MEGF9: variants seen among roughly 807,000 people sequenced by gnomAD.
MEGF9 encodes multiple EGF like domains 9.
Under a neutral mutation model 46.8 loss-of-function variants are expected in MEGF9, and 6 were observed. That is an observed-to-expected ratio of 0.13 (90% confidence interval 0.07 to 0.25). The LOEUF (loss-of-function observed/expected upper bound fraction) is 0.25, where lower values mean the gene tolerates loss of function less well. Among genes scored for constraint, MEGF9 ranks in the 10% least tolerant of loss-of-function variants. The pLI, the probability that MEGF9 is intolerant of heterozygous loss-of-function variation, is 1.00. For missense variants in MEGF9, 683 were observed against 792.4 expected (o/e 0.86, Z 1.66); for synonymous variants, 302 against 330.7 (o/e 0.91, Z 0.94).
chr9:120,616,677 C>CA lies in MEGF9; in HGVS notation c.944-4139dup, dbSNP rs60170268. 1.9e-3 allele frequency among the ~76,000 whole-genome samples: 180 copies of CA among 94,242 alleles called. 1 individual carries two copies. Among genetic ancestry groups the CA allele is most frequent in the Middle Eastern group, 0.01 (2 of 194 alleles). The allele number at this position is 94,242 out of a possible 152,430, so 61.8% of individuals were successfully genotyped here. The stretch of plus-strand genomic sequence containing the variant: ...TGGGTGACAGAGCAAGACTCTGTCT[C>CA]AAAAAAAAAAAAAAAAAAAAAAAGT... On this transcript the variant is annotated intron_variant, in intron 3 of 5. Coordinates refer to ENST00000373930, the MANE Select transcript of MEGF9 (RefSeq NM_001080497.3).
At chr9:120,691,273 T>C in intron 1 of MEGF9, 1 of 209,710 alleles carries the variant, frequency 4.8e-6, no homozygotes. Context: ...GGGGTGTGGA[T>C]GAGGCAGGAC....
In MEGF9 at chr9:120,604,561, A is replaced by G. The variant is rs1046719149; in HGVS notation, c.*629T>C. On this transcript the variant is annotated 3_prime_UTR_variant, in exon 6 of 6. Transcript: ENST00000373930. Reference sequence around the variant, plus strand: ...GAGGACCATCAGCCTCCTGCTCCCCAATGCTGCCTTCCTCCCTTAGAAGCT... The same window carrying G: ...GAGGACCATCAGCCTCCTGCTCCCCGATGCTGCCTTCCTCCCTTAGAAGCT... 1 of 153,178 alleles carries G rather than the reference A, an allele frequency of 6.5e-6. No homozygotes were observed. Among genetic ancestry groups the G allele is most frequent in the African/African-American group, 2.4e-5 (1 of 41,408 alleles). The allele number at this position is 153,178 out of a possible 1,614,324, so 9.5% of individuals were successfully genotyped here. A position where few individuals can be genotyped will look rare whatever the true frequency, so the allele number is the denominator to read the frequency against.
intron 1 of MEGF9, among the ~76,000 whole-genome samples, chr9:120,679,446 G>A (rs1291875402): frequency 3.4e-5 from 5 of 146,332 alleles, no homozygotes; most frequent in South Asian, 2.2e-4. Flanking sequence ...GACACAGGAT[G>A]GGGAACATCA....
chr9:120,627,378 G>A (rs1412309666), intron 2 of MEGF9, among the ~76,000 whole-genome samples: 2 of 152,160 alleles, frequency 1.3e-5, no homozygotes, highest in African/African-American at 2.4e-5. Flanking sequence ...TATAAAGTAC[G>A]TGTGTATGTA....
intron 2 of MEGF9, among the ~76,000 whole-genome samples, chr9:120,651,678 A>G (rs2043650094): frequency 6.7e-6 from 1 of 149,202 alleles, no homozygotes. Context: ...TTTGAGACAG[A>G]GTCTTGCTCT....
chr9:120,625,727 G>A (rs754432979), intron 2 of MEGF9, among the ~76,000 whole-genome samples: 6 of 150,726 alleles, frequency 4.0e-5, no homozygotes, highest in African/African-American at 7.3e-5. Context: ...CCAGCTACTC[G>A]GGAGGCTGAG....
Position 120,607,988 on chromosome 9 carries a change from T to G in MEGF9, c.1110A>C (p.Glu370Asp). 1.2e-6 allele frequency: 2 copies of G among 1,614,006 alleles called. No individual in the cohort carries two copies. Among genetic ancestry groups the G allele is most frequent in the Non-Finnish European group, 8.5e-7 (1 of 1,179,844 alleles). ...TGTAACCATCTTTACACTGGTCACA[T>G]TCAGGTTCCAATTCACTCGATTCTA... ...CSIKSSELEP[E>D]CDQCKDGYIG... The change falls in exon 5 of 6, where the codon GAA becomes GAC. Residue 370 changes from glutamate to aspartate, a missense_variant. Glu to Asp is a conservative substitution (Grantham distance 45, BLOSUM62 2). Transcript: ENST00000373930.
At chr9:120,682,553 T>C (rs2043803126) in intron 1 of MEGF9, among the ~76,000 whole-genome samples, 1 of 150,536 alleles carries the variant, frequency 6.6e-6, no homozygotes, top group East Asian at 1.9e-4. Context: ...TAGTTTCACA[T>C]TCATCCCCAA....
Position 120,627,899 on chromosome 9 carries a change from T to C in MEGF9, c.804-5144A>G, listed in dbSNP as rs187676176. Among the ~76,000 whole-genome samples, 57 of 152,322 alleles carry C rather than the reference T, an allele frequency of 3.7e-4. No homozygotes were observed. The East Asian group carries it at 0.01, about 28-fold the overall frequency. On this transcript the variant is annotated intron_variant, in intron 2 of 5. Coordinates refer to ENST00000373930, the MANE Select transcript of MEGF9 (RefSeq NM_001080497.3). ...AATAAGAAACACAATTAAGAGATAA[T>C]GAAATGTATCAATTTTCTTCTTCCT...
chr9:120,656,762 C>T (rs2043679287), intron 2 of MEGF9, among the ~76,000 whole-genome samples: 1 of 151,874 alleles, frequency 6.6e-6, no homozygotes, highest in South Asian at 2.1e-4. Context: ...ATTATTATCT[C>T]CACTTCACAA....
chr9:120,714,287 G>A lies in MEGF9; in HGVS notation c.72C>T (p.Ala24=). 3.2e-6 allele frequency: 4 copies of A among 1,263,192 alleles called. No homozygotes were observed. Among genetic ancestry groups the A allele is most frequent in the East Asian group, 3.3e-5 (1 of 30,624 alleles). 78.2% of individuals were successfully genotyped at this position (1,263,192 alleles called of 1,614,324 possible). ...CGACGGCGGCGGCGGCGGCGGCGGC[G>A]GCGCAGCACAACAGGGCGAGGCCGC... is the stretch of plus-strand genomic sequence containing the variant. ...SLGGLALLCC[A]AAAAAAAVAS... Residue 24 remains alanine, a synonymous_variant, in exon 1 of 6, where the codon GCC becomes GCT. Coordinates refer to ENST00000373930, the MANE Select transcript of MEGF9 (RefSeq NM_001080497.3).
In MEGF9 at chr9:120,606,224, T is replaced by C. The variant is rs561118459; in HGVS notation, c.1358-583A>G. Among the ~76,000 whole-genome samples, 13 of 152,106 alleles carry C rather than the reference T, an allele frequency of 8.5e-5. No individual in the cohort carries two copies. The East Asian group carries it at 2.1e-3, about 25-fold the overall frequency. Reference sequence around the variant, plus strand: ...AAAATACCAGTGTTGGAGTTTTCCATTCTTATTTACTCTTAGATAAAATCA... The same window carrying C: ...AAAATACCAGTGTTGGAGTTTTCCACTCTTATTTACTCTTAGATAAAATCA... On this transcript the variant is annotated intron_variant, in intron 5 of 5. Transcript: ENST00000373930.
intron 2 of MEGF9, among the ~76,000 whole-genome samples, chr9:120,629,199 C>CA (rs1164043621): frequency 6.6e-6 from 1 of 152,104 alleles, no homozygotes; most frequent in Non-Finnish European, 1.5e-5. Flanking sequence ...AGGCTGGTCT[C>CA]AAACTCCTGG....
intron 1 of MEGF9, among the ~76,000 whole-genome samples, chr9:120,666,064 G>C (rs116053304): frequency 0.016 from 2,494 of 152,102 alleles, 63 homozygotes; most frequent in African/African-American, 0.056. Context: ...GTTCAGGATT[G>C]CTTTGTCTGC....
chr9:120,606,785 G>C (rs2043422009), intron 5 of MEGF9, among the ~76,000 whole-genome samples: 1 of 151,926 alleles, frequency 6.6e-6, no homozygotes, highest in South Asian at 2.1e-4. Context: ...CATATAGTAG[G>C]TACTCAATAA....
chr9:120,608,783 C>G (rs1177479161), intron 4 of MEGF9, among the ~76,000 whole-genome samples: 1 of 152,196 alleles, frequency 6.6e-6, no homozygotes, highest in African/African-American at 2.4e-5. Flanking sequence ...TACCCACTTG[C>G]ATAAGCCAAA....
chr9:120,694,185 T>C (rs2043864098), intron 1 of MEGF9, among the ~76,000 whole-genome samples: 1 of 152,212 alleles, frequency 6.6e-6, no homozygotes, highest in African/African-American at 2.4e-5. Context: ...TCAACCTACA[T>C]TTAGCATGTC....
intron 1 of MEGF9, among the ~76,000 whole-genome samples, chr9:120,688,167 A>ACG (rs1264151414): frequency 1.2e-4 from 17 of 142,056 alleles, no homozygotes; most frequent in South Asian, 4.4e-4. Context: ...ACACACACAC[A>ACG]CACGCACGCA....
intron 2 of MEGF9, among the ~76,000 whole-genome samples, chr9:120,656,681 G>C (rs2043678905): frequency 1.3e-5 from 2 of 151,980 alleles, no homozygotes; most frequent in Non-Finnish European, 1.5e-5. Context: ...TTGCAGCTTA[G>C]AAGATTTATG....
Sources: gnomAD v4.1 joint callset for allele counts (sites outside exome capture counted in the v4.1 genomes callset) on GRCh38, gnomAD v4.1.1 for gene constraint, MANE v1.5 for transcripts, NCBI Gene and HGNC (gene_info 2026-07-23, HGNC 2026-07-21) for gene names.